Variants in ATP9A observed in about 807,000 individuals in gnomAD.
ATP9A encodes ATPase phospholipid transporting 9A, also known as probable phospholipid-transporting ATPase IIA.
Under a neutral mutation model 144.1 loss-of-function variants are expected in ATP9A, and 52 were observed. The ratio of observed to expected loss-of-function variants is 0.36; its 90% confidence interval spans 0.29 to 0.45. The LOEUF (loss-of-function observed/expected upper bound fraction) is 0.45. Ranked by LOEUF, ATP9A falls within the 20% of genes least tolerant of loss-of-function variation. The probability of loss-of-function intolerance (pLI) is 1.00; values close to 1 mark genes in which losing one functional copy is unlikely to be tolerated. For synonymous variants in ATP9A, 582 were observed against 557.4 expected, an observed-to-expected ratio of 1.04 and a Z score of -0.62; for missense variants, 947 against 1,392.7, an observed-to-expected ratio of 0.68 and a Z score of 5.09.
intron 4 of ATP9A, among the ~76,000 whole-genome samples, chr20:51,702,578 AGGAGCTCTCAAGTTGGTAG>A (rs1285897999): frequency 1.3e-5 from 2 of 152,076 alleles, no homozygotes; most frequent in African/African-American, 4.8e-5. Flanking sequence ...TCCCTCTCCA[AGGAGCTCTCAAGTTGGTAG>A]GGAGAAAGAG....
rs2077454425 is a variant in ATP9A, at chr20:51,671,214, C to T, written c.1081G>A (p.Val361Met). Residue 361 changes from valine to methionine, a missense_variant, in exon 12 of 28, where the codon GTG (valine) becomes ATG (methionine). By Grantham distance (21) the Val-to-Met change is conservative (BLOSUM62 1). Transcript: ENST00000338821. ...LDMGKIVYSW[V>M]IRRDSKIPGT... ...GGGATTTTCGAGTCCCTTCGAATCA[C>T]CCAGCTGTACACGATCTTGCCCATG... 5 of 1,614,014 alleles carry T rather than the reference C, an allele frequency of 3.1e-6. No homozygotes were observed. The South Asian group carries it at 5.5e-5, about 18-fold the overall frequency.
chr20:51,596,607 G>T lies in ATP9A; in HGVS notation c.*4604C>A, dbSNP rs558565273. 6.6e-6 allele frequency: 1 copy of T among 152,152 alleles called. No homozygotes were observed. Among genetic ancestry groups the T allele is most frequent in the African/African-American group, 2.4e-5 (1 of 41,502 alleles). 9.4% of individuals were successfully genotyped at this position (152,152 alleles called of 1,614,324 possible). A position where few individuals can be genotyped will look rare whatever the true frequency, so the allele number is the denominator to read the frequency against. On this transcript the variant is annotated 3_prime_UTR_variant, in exon 28 of 28. Coordinates refer to ENST00000338821, the MANE Select transcript of ATP9A (RefSeq NM_006045.3). ...TACAAAATAATAAATAACATGCATT[G>T]ATTTGGGGTTTTTTTTGCCAAAATC...
intron 1 of ATP9A, among the ~76,000 whole-genome samples, chr20:51,745,678 A>T (rs1313260253): frequency 5.3e-5 from 8 of 152,108 alleles, no homozygotes; most frequent in Admixed American, 2.6e-4. Flanking sequence ...AAATGTCAAT[A>T]GTCCTGCGGT....
chr20:51,660,183 G>A (rs566265085), intron 13 of ATP9A, among the ~76,000 whole-genome samples: 3 of 152,240 alleles, frequency 2.0e-5, no homozygotes, highest in East Asian at 1.9e-4. Context: ...AACATTAGGC[G>A]CAATAACAAG....
intron 3 of ATP9A, among the ~76,000 whole-genome samples, chr20:51,720,788 C>T (rs2077685502): frequency 6.6e-6 from 1 of 152,140 alleles, no homozygotes; most frequent in Non-Finnish European, 1.5e-5. Flanking sequence ...GAGCCGATAT[C>T]GCGCCATTGC....
At chr20:51,698,488 C>G (rs994364403) in intron 4 of ATP9A, among the ~76,000 whole-genome samples, 3 of 152,168 alleles carry the variant, frequency 2.0e-5, no homozygotes, top group African/African-American at 7.2e-5. Flanking sequence ...TCATGTCACT[C>G]CGGCCTGGGC....
chr20:51,761,394 A>G (rs1270834623), intron 1 of ATP9A, among the ~76,000 whole-genome samples: 2 of 152,126 alleles, frequency 1.3e-5, no homozygotes, highest in Non-Finnish European at 2.9e-5. Context: ...TGGAAAGAGG[A>G]GCACGACAAT....
chr20:51,670,198 T>G, intron 12 of ATP9A, 89 bp from the exon 13 acceptor site: 1 of 1,032,592 alleles, frequency 9.7e-7, no homozygotes. Context: ...TTTGGAGAGT[T>G]TGCCCTATGT....
Position 51,601,212 on chromosome 20 carries a change from TATG to T in ATP9A, c.3140_3142del (p.Ser1047del). 6.2e-7 allele frequency: 1 copy of T among 1,611,292 alleles called. No individual in the cohort carries two copies. The highest frequency in any genetic ancestry group is 1.1e-5 in the South Asian group (1 of 90,588). On this transcript the variant is annotated inframe_deletion, in exon 28 of 28. Coordinates refer to ENST00000338821, the MANE Select transcript of ATP9A (RefSeq NM_006045.3). ...GGCCCCCTCCAGCGAACGCACGGCC[TATG>T]ATGTGAGCTTTGAGTAGCTGGGGGG...
At chr20:51,627,833 T>A in intron 16 of ATP9A, 150 bp from the exon 17 acceptor site, 1 of 690,614 alleles carries the variant, frequency 1.4e-6, no homozygotes, top group Non-Finnish European at 2.5e-6. Context: ...CAATCCTCCC[T>A]GGAGCAAGCT....
intron 9 of ATP9A, among the ~76,000 whole-genome samples, chr20:51,680,046 A>G (rs2077493513): frequency 6.6e-6 from 1 of 152,002 alleles, no homozygotes; most frequent in African/African-American, 2.4e-5. Context: ...CCTGGCCAAC[A>G]TGGTGAAATC....
intron 15 of ATP9A, among the ~76,000 whole-genome samples, chr20:51,637,518 T>C (rs2077297441): frequency 6.6e-6 from 1 of 152,010 alleles, no homozygotes; most frequent in Admixed American, 6.6e-5. Context: ...TTCAGTGTGA[T>C]GAATGCTACG....
rs142039865 is a variant in ATP9A at position 51,600,805 on chromosome 20, AAAACACAC to A, written c.*398_*405del. 0.06 allele frequency: 7,370 copies of A among 122,770 alleles called. 240 individuals carry two copies. Among genetic ancestry groups the A allele is most frequent in the Non-Finnish European group, 0.069 (4,155 of 60,280 alleles). The allele number at this position is 122,770 out of a possible 1,614,324, so 7.6% of individuals were successfully genotyped here. On this transcript the variant is annotated 3_prime_UTR_variant, in exon 28 of 28. Transcript: ENST00000338821. ...AGTACATACACATTAGGACTCTTTA[AAAACACAC>A]ACACACACACACACACACACACACA...
intron 10 of ATP9A, among the ~76,000 whole-genome samples, chr20:51,675,887 G>GAAAAAAAAAAAAAAAAAAAAA (rs375688302): frequency 9.7e-6 from 1 of 103,500 alleles, no homozygotes; most frequent in Non-Finnish European, 2.2e-5. Flanking sequence ...CTCAAAAAAA[G>GAAAAAAAAAAAAAAAAAAAAA]AAAAAAAAAA....
chr20:51,758,553 A>G (rs1252501644), intron 1 of ATP9A, among the ~76,000 whole-genome samples: 1 of 152,182 alleles, frequency 6.6e-6, no homozygotes, highest in Non-Finnish European at 1.5e-5. Flanking sequence ...ACAGAGGTCA[A>G]GGTCAAAGGG....
intron 14 of ATP9A, among the ~76,000 whole-genome samples, chr20:51,650,803 A>G (rs4811208): frequency 0.45 from 68,058 of 151,504 alleles, 16,761 homozygotes; most frequent in East Asian, 0.8. Context: ...GCTATTCAAG[A>G]CCCAGTGAAA....
intron 6 of ATP9A, among the ~76,000 whole-genome samples, chr20:51,694,981 G>GT (rs1310501722): frequency 6.6e-6 from 1 of 152,126 alleles, no homozygotes; most frequent in African/African-American, 2.4e-5. Flanking sequence ...TTCAAAGGCT[G>GT]TTTTAATCTA....
At chr20:51,760,465 A>T (rs1433560257) in intron 1 of ATP9A, among the ~76,000 whole-genome samples, 2 of 152,114 alleles carry the variant, frequency 1.3e-5, no homozygotes, top group Non-Finnish European at 2.9e-5. Flanking sequence ...GGTGGCTCAC[A>T]TCTGTAATCC....
rs1420950317 is a variant in ATP9A at position 51,622,077 on chromosome 20, C to T, written c.2112G>A (p.Arg704=). The change falls in exon 19 of 28, where the codon CGG becomes CGA. Residue 704 remains arginine (R), a synonymous_variant. Coordinates refer to ENST00000338821, the MANE Select transcript of ATP9A (RefSeq NM_006045.3). ...CCTAACGCAGAGGACACTTTACCAG[C>T]CGAAAAACGTGGATGTCTTGGTTTC... ...VTRNQDIHVF[R]LVTNRGEAHL... is the part of the protein sequence containing the mutation. 1 of 1,614,016 alleles carries T rather than the reference C, an allele frequency of 6.2e-7. No homozygotes were observed. The highest frequency in any genetic ancestry group is 1.7e-5 in the Admixed American group (1 of 60,016).
Sources: gnomAD v4.1 joint callset for allele counts (sites outside exome capture counted in the v4.1 genomes callset) on GRCh38, gnomAD v4.1.1 for gene constraint, MANE v1.5 for transcripts, NCBI Gene and HGNC (gene_info 2026-07-23, HGNC 2026-07-21) for gene names.